The following FYN variants were observed in gnomAD, a reference collection of about 807,000 sequenced individuals.
The protein encoded by FYN is FYN proto-oncogene, Src family tyrosine kinase, also known as tyrosine-protein kinase Fyn.
In FYN, 10 loss-of-function variants were observed where a neutral mutation model predicts 70.2. That is an observed-to-expected ratio of 0.14 (90% CI 0.09 to 0.24). The LOEUF (loss-of-function observed/expected upper bound fraction) is 0.24, where lower values mean the gene tolerates loss of function less well. Ranked by LOEUF, FYN falls within the 10% of genes least tolerant of loss-of-function variation. FYN has a pLI of 1.00. For synonymous variants in FYN, 236 were observed against 248.6 expected, an observed-to-expected ratio of 0.95 and a Z score of 0.48; for missense variants, 319 against 673.1, an observed-to-expected ratio of 0.47 and a Z score of 5.82.
At chr6:111,663,197 G>A (rs9387025) in intron 13 of FYN, among the ~76,000 whole-genome samples, 60,724 of 152,068 alleles carry the variant, frequency 0.4, 13,639 homozygotes, top group East Asian at 0.55. Context: ...ATCCTCCCCA[G>A]TATCTGACCC....
intron 8 of FYN, 164 bp downstream of exon 8, chr6:111,702,721 T>C (rs1799898392): frequency 3.8e-6 from 2 of 528,256 alleles, no homozygotes; most frequent in East Asian, 3.2e-5. Flanking sequence ...ACAATAGCAA[T>C]AGAACCTATA....
intron 2 of FYN, among the ~76,000 whole-genome samples, chr6:111,819,661 T>C (rs62413699): frequency 8.5e-5 from 13 of 152,288 alleles, no homozygotes; most frequent in Non-Finnish European, 1.6e-4. Context: ...GTGTAGTTTC[T>C]ACTTTCCTGT....
At chr6:111,793,098 T>C (rs1026189165) in intron 2 of FYN, among the ~76,000 whole-genome samples, 16 of 152,190 alleles carry the variant, frequency 1.1e-4, no homozygotes, top group African/African-American at 3.9e-4. Context: ...AGAGCTCTTA[T>C]AAGTATCGAA....
At chr6:111,821,640 T>G (rs1165246050) in intron 2 of FYN, among the ~76,000 whole-genome samples, 1 of 152,152 alleles carries the variant, frequency 6.6e-6, no homozygotes, top group East Asian at 1.9e-4. Context: ...AAATGGGATC[T>G]AATTAAACTA....
chr6:111,762,529 G>A (rs1455383141), intron 3 of FYN, among the ~76,000 whole-genome samples: 1 of 152,104 alleles, frequency 6.6e-6, no homozygotes, highest in Non-Finnish European at 1.5e-5. Flanking sequence ...AAGGCTGACA[G>A]AACAGACTCT....
intron 3 of FYN, chr6:111,741,121 A>G (rs867721287): frequency 6.6e-6 from 1 of 152,074 alleles, no homozygotes; most frequent in Non-Finnish European, 1.5e-5. Flanking sequence ...AAAAAGAAAG[A>G]AAGGTTTTTC....
intron 12 of FYN, among the ~76,000 whole-genome samples, chr6:111,683,927 C>T (rs1305889396): frequency 1.3e-5 from 2 of 152,172 alleles, no homozygotes; most frequent in Admixed American, 1.3e-4. Flanking sequence ...AGAATTTTCA[C>T]ACTAGGCCAA....
At chr6:111,864,983 T>C (rs980921968) in intron 1 of FYN, among the ~76,000 whole-genome samples, 11 of 152,140 alleles carry the variant, frequency 7.2e-5, no homozygotes, top group Non-Finnish European at 1.6e-4. Context: ...AAATGGCAGG[T>C]GCTATTATTT....
At chr6:111,716,879 G>T (rs567145214) in intron 4 of FYN, among the ~76,000 whole-genome samples, 8 of 151,542 alleles carry the variant, frequency 5.3e-5, no homozygotes, top group African/African-American at 1.5e-4. Flanking sequence ...CCGCCTCCCG[G>T]GTTCAAGTGA....
chr6:111,721,112 T>C (rs1404134000), intron 3 of FYN, among the ~76,000 whole-genome samples: 1 of 152,188 alleles, frequency 6.6e-6, no homozygotes, highest in Non-Finnish European at 1.5e-5. Flanking sequence ...ATGTGACGTA[T>C]CCATGTCCTA....
chr6:111,757,685 T>C (rs2128491846), intron 3 of FYN, among the ~76,000 whole-genome samples: 1 of 152,374 alleles, frequency 6.6e-6, no homozygotes. Context: ...GGCAAAGCTC[T>C]TAAGAAAGCT....
At chr6:111,858,326 AGC>A (rs932429986) in intron 1 of FYN, 2 of 152,204 alleles carry the variant, frequency 1.3e-5, no homozygotes, top group African/African-American at 4.8e-5. Flanking sequence ...CGTAAGCAGA[AGC>A]CCAGGACAAC....
intron 3 of FYN, among the ~76,000 whole-genome samples, chr6:111,751,402 C>T (rs12524424): frequency 0.063 from 9,632 of 152,102 alleles, 790 homozygotes; most frequent in African/African-American, 0.19. Context: ...GGCTTAATGT[C>T]TATTTTTAAC....
chr6:111,844,027 G>C (rs1773445252), intron 2 of FYN, among the ~76,000 whole-genome samples: 1 of 152,172 alleles, frequency 6.6e-6, no homozygotes, highest in Non-Finnish European at 1.5e-5. Context: ...GTGGGGTATG[G>C]GAAGGGGAAA....
At chr6:111,663,749 G>C (rs748338838) in intron 13 of FYN, among the ~76,000 whole-genome samples, 2 of 152,142 alleles carry the variant, frequency 1.3e-5, no homozygotes, top group Non-Finnish European at 2.9e-5. Context: ...CTTTACCAGC[G>C]ACTTCCTCAG....
intron 12 of FYN, among the ~76,000 whole-genome samples, chr6:111,678,108 ATGTG>A (rs57015847): frequency 0.063 from 5,936 of 93,920 alleles, 154 homozygotes; most frequent in Middle Eastern, 0.16. Context: ...AGGCCATAAT[ATGTG>A]TGTGTGTGTG....
chr6:111,738,205 G>A (rs1801791105), intron 3 of FYN, among the ~76,000 whole-genome samples: 1 of 152,152 alleles, frequency 6.6e-6, no homozygotes, highest in African/African-American at 2.4e-5. Context: ...AGATGAAGAT[G>A]TACCTATCCC....
chr6:111,714,722 T>C lies in FYN; in HGVS notation c.248-279A>G, dbSNP rs148208369. On this transcript the variant is annotated intron_variant, in intron 4 of 13. Coordinates refer to ENST00000354650, the MANE Select transcript of FYN (RefSeq NM_002037.5). ...ATGAGGGCTGAGGAGCAGGGAAATA[T>C]TAAAATTGCATCCCAAACAAAAGGG... is the stretch of plus-strand genomic sequence containing the variant. Among the ~76,000 whole-genome samples, 258 of 152,298 alleles carry C rather than the reference T, an allele frequency of 1.7e-3. 2 individuals carry two copies. Among genetic ancestry groups the C allele is most frequent in the African/African-American group, 5.9e-3 (244 of 41,560 alleles).
At chr6:111,737,521 G>A (rs1801761440) in intron 3 of FYN, among the ~76,000 whole-genome samples, 1 of 152,190 alleles carries the variant, frequency 6.6e-6, no homozygotes, top group Non-Finnish European at 1.5e-5. Context: ...GATACACAGG[G>A]TGAGGTATGA....
Sources: gnomAD v4.1 joint callset for allele counts (sites outside exome capture counted in the v4.1 genomes callset) on GRCh38, gnomAD v4.1.1 for gene constraint, MANE v1.5 for transcripts, NCBI Gene and HGNC (gene_info 2026-07-23, HGNC 2026-07-21) for gene names.